The following USP24 variants were observed in gnomAD, a reference collection of about 807,000 sequenced individuals.
USP24 encodes ubiquitin specific peptidase 24.
A neutral mutation model predicts 361.6 loss-of-function variants in USP24; 97 were observed. That is an observed-to-expected ratio of 0.27 (90% CI 0.23 to 0.32). USP24 has a LOEUF of 0.32. Among genes scored for constraint, USP24 ranks in the 10% least tolerant of loss-of-function variants. USP24 has a pLI of 1.00. For missense variants in USP24, 2,353 were observed against 3,165.6 expected (o/e 0.74, Z 6.16); for synonymous variants, 1,098 against 1,124.6 (o/e 0.98, Z 0.47).
At chr1:55,155,923 C>T (rs572501677) in intron 12 of USP24, among the ~76,000 whole-genome samples, 14 of 152,286 alleles carry the variant, frequency 9.2e-5, no homozygotes, top group African/African-American at 3.1e-4. Context: ...ATACCCCTTC[C>T]TTCTTTTTGC....
At position 55,071,807 on chromosome 1, in the gene USP24, G is replaced by A. The variant is rs138834494; in HGVS notation, c.7800+7C>T. The A allele has an allele frequency of 5.6e-5, 90 of 1,609,006 alleles. No individual in the cohort carries two copies. The highest frequency in any genetic ancestry group is 7.4e-5 in the Non-Finnish European group (87 of 1,177,380). The stretch of plus-strand genomic sequence containing the variant: ...CTTTGCACACAAGGACATGCTGACC[G>A]TTATACCTGCTGTAGATGCCTGTCT... On this transcript the variant is annotated splice_region_variant and intron_variant, in intron 67 of 67. Coordinates refer to ENST00000294383, the MANE Select transcript of USP24 (RefSeq NM_015306.3).
At chr1:55,194,142 A>G (rs753206384) in intron 1 of USP24, among the ~76,000 whole-genome samples, 1 of 152,210 alleles carries the variant, frequency 6.6e-6, no homozygotes, top group Non-Finnish European at 1.5e-5. Flanking sequence ...CTTCCAAAGC[A>G]CTAGTATTTT....
At chr1:55,069,552 G>A (rs759562566) in intron 67 of USP24, among the ~76,000 whole-genome samples, 1 of 152,084 alleles carries the variant, frequency 6.6e-6, no homozygotes, top group African/African-American at 2.4e-5. Flanking sequence ...TTGGCGAATC[G>A]TTCTGAATAC....
At chr1:55,102,501 T>G (rs1377688833) in intron 42 of USP24, among the ~76,000 whole-genome samples, 1 of 152,218 alleles carries the variant, frequency 6.6e-6, no homozygotes, top group African/African-American at 2.4e-5. Flanking sequence ...AATCATGCTA[T>G]CTGCACATAT....
intron 28 of USP24, among the ~76,000 whole-genome samples, chr1:55,135,721 T>C (rs1646714626): frequency 6.6e-6 from 1 of 152,120 alleles, no homozygotes; most frequent in South Asian, 2.1e-4. Flanking sequence ...CATTTGGAAT[T>C]AAAGAAATAT....
At chr1:55,148,424 G>C in intron 17 of USP24, 39 bp downstream of exon 17, 1 of 1,435,402 alleles carries the variant, frequency 7.0e-7, no homozygotes, top group Non-Finnish European at 9.5e-7. Flanking sequence ...TAAAAGTTAT[G>C]CAAGTAACTA....
At chr1:55,123,397 A>C in intron 36 of USP24, 50 bp downstream of exon 36, 1 of 1,462,874 alleles carries the variant, frequency 6.8e-7, no homozygotes, top group Non-Finnish European at 9.1e-7. Context: ...CCCAACAGAA[A>C]CTTGGCCTTT....
At chr1:55,198,666 C>T (rs1000828698) in intron 1 of USP24, among the ~76,000 whole-genome samples, 1 of 152,166 alleles carries the variant, frequency 6.6e-6, no homozygotes, top group Non-Finnish European at 1.5e-5. Flanking sequence ...TTGGTTAAGA[C>T]TTGATATCTC....
chr1:55,117,690 T>C (rs1646157534), intron 38 of USP24, among the ~76,000 whole-genome samples: 1 of 135,682 alleles, frequency 7.4e-6, no homozygotes, highest in Non-Finnish European at 1.5e-5. Flanking sequence ...GAGCCGAGAT[T>C]GCGCCACTGC....
chr1:55,071,210 C>CT, intron 67 of USP24: 1 of 987,048 alleles, frequency 1.0e-6, no homozygotes, highest in Non-Finnish European at 1.2e-6. Flanking sequence ...ACAGAGGAGA[C>CT]TGCTGTTAAG....
At chr1:55,166,860 T>C (rs1379465278) in intron 5 of USP24, among the ~76,000 whole-genome samples, 1 of 152,170 alleles carries the variant, frequency 6.6e-6, no homozygotes, top group Non-Finnish European at 1.5e-5. Flanking sequence ...CTGAGATCAG[T>C]TGTTTAAGCT....
chr1:55,215,317 C>G lies in USP24; in HGVS notation c.-204G>C, dbSNP rs1235987224. Among the ~76,000 whole-genome samples the G allele has an allele frequency of 6.6e-6, 1 of 151,884 alleles. No homozygotes were observed. Among genetic ancestry groups the G allele is most frequent in the African/African-American group, 2.4e-5 (1 of 41,404 alleles). ...GAGCTAGTGCGGTGAGGCGCTCAGGCGCGGCTGCGGCCCGGCCCAGCCCTG... is the reference window on the plus strand; with the variant it reads ...GAGCTAGTGCGGTGAGGCGCTCAGGGGCGGCTGCGGCCCGGCCCAGCCCTG... On this transcript the variant is annotated 5_prime_UTR_variant, in exon 1 of 68. Transcript: ENST00000294383.
chr1:55,100,003 G>A lies in USP24; in HGVS notation c.5272-134C>T, dbSNP rs1357571198. The A allele has an allele frequency of 7.9e-6, 5 of 632,502 alleles. No individual in the cohort carries two copies. The East Asian group carries it at 1.4e-4, about 18-fold the overall frequency. The allele number at this position is 632,502 out of a possible 1,614,324, so 39.2% of individuals were successfully genotyped here. ...TTAGGATGTGGACATTTCTAGTGAA[G>A]TGAGACTAGCTTGTATTCAGCCATC... On this transcript the variant is annotated intron_variant, in intron 44 of 67. Transcript: ENST00000294383.
Position 55,071,480 on chromosome 1 carries a change from C to A in USP24, c.7800+334G>T, listed in dbSNP as rs530878565. On this transcript the variant is annotated intron_variant, in intron 67 of 67. Transcript: ENST00000294383. ...AAGGCTGGTGAGAGCAAACGAGGGA[C>A]TTTCAGTAACCTGGCAAGGCAGAAT... 8.8e-5 allele frequency: 93 copies of A among 1,054,386 alleles called. No individual in the cohort carries two copies. The African/African-American group carries it at 1.4e-3, about 16-fold the overall frequency. 65.3% of individuals were successfully genotyped at this position (1,054,386 alleles called of 1,614,324 possible).
intron 16 of USP24, among the ~76,000 whole-genome samples, chr1:55,152,260 C>A (rs921588813): frequency 1.3e-5 from 2 of 152,038 alleles, no homozygotes; most frequent in African/African-American, 4.8e-5. Context: ...CAAAATAACT[C>A]CAAAAATTCT....
At chr1:55,212,219 T>C (rs1306819238) in intron 1 of USP24, among the ~76,000 whole-genome samples, 1 of 152,264 alleles carries the variant, frequency 6.6e-6, no homozygotes, top group East Asian at 1.9e-4. Flanking sequence ...ATTCACCTTA[T>C]ATTCTACCCA....
intron 19 of USP24, among the ~76,000 whole-genome samples, chr1:55,146,311 C>T (rs1303896855): frequency 6.6e-6 from 1 of 152,182 alleles, no homozygotes; most frequent in East Asian, 1.9e-4. Flanking sequence ...AAAATATCTA[C>T]TCATACTTTT....
At chr1:55,190,164 CAAA>C (rs397696116) in intron 1 of USP24, among the ~76,000 whole-genome samples, 8 of 78,736 alleles carry the variant, frequency 1.0e-4, no homozygotes, top group Admixed American at 6.7e-4. Flanking sequence ...GACTCCATCT[CAAA>C]AAAAAAAAAA....
At chr1:55,087,882 G>A (rs1480865160) in intron 55 of USP24, among the ~76,000 whole-genome samples, 1 of 152,200 alleles carries the variant, frequency 6.6e-6, no homozygotes, top group Non-Finnish European at 1.5e-5. Flanking sequence ...CTTACTATGT[G>A]AAGAGGGGAG....
Sources: allele counts gnomAD v4.1 joint callset (sites outside exome capture counted in the v4.1 genomes callset), GRCh38; gene constraint gnomAD v4.1.1; transcripts MANE v1.5; gene names NCBI Gene and HGNC (gene_info 2026-07-23, HGNC 2026-07-21).